Variants in NBEA observed in about 807,000 individuals in gnomAD.
The protein encoded by NBEA is neurobeachin.
NBEA carries 44 observed loss-of-function variants against 343.4 expected under a neutral mutation model. That is an observed-to-expected ratio of 0.13 (90% CI 0.10 to 0.16). The LOEUF (loss-of-function observed/expected upper bound fraction) is 0.16, where lower values mean the gene tolerates loss of function less well. NBEA is among the 10% of genes least tolerant of loss of function. The probability of loss-of-function intolerance (pLI) is 1.00; values close to 1 mark genes in which losing one functional copy is unlikely to be tolerated. For missense variants in NBEA, 2,555 were observed against 3,631.3 expected, an observed-to-expected ratio of 0.70 and a Z score of 7.62; for synonymous variants, 1,175 against 1,238.7, an observed-to-expected ratio of 0.95 and a Z score of 1.08.
intron 34 of NBEA, among the ~76,000 whole-genome samples, chr13:35,277,648 AG>A (rs2034703744): frequency 7.8e-6 from 1 of 128,760 alleles, no homozygotes; most frequent in Non-Finnish European, 1.7e-5. Flanking sequence ...AAAAAAAAAA[AG>A]TGGGGGAAAC....
At chr13:35,478,521 CCT>C (rs1252861861) in intron 41 of NBEA, among the ~76,000 whole-genome samples, 4 of 152,390 alleles carry the variant, frequency 2.6e-5, no homozygotes, top group African/African-American at 7.2e-5. Context: ...CCGCTCGCCG[CCT>C]CTCTCTCGCT....
At chr13:35,331,494 C>G (rs545181161) in intron 36 of NBEA, among the ~76,000 whole-genome samples, 1 of 152,102 alleles carries the variant, frequency 6.6e-6, no homozygotes, top group South Asian at 2.1e-4. Flanking sequence ...GTTCTGTAAT[C>G]TATATATAAT....
chr13:35,470,100 T>C (rs1316742068), intron 40 of NBEA, among the ~76,000 whole-genome samples: 1 of 152,210 alleles, frequency 6.6e-6, no homozygotes, highest in Non-Finnish European at 1.5e-5. Flanking sequence ...TAATTGGAGA[T>C]TTCCAAAGGA....
At chr13:35,248,692 G>T (rs911993974) in intron 34 of NBEA, among the ~76,000 whole-genome samples, 4 of 152,126 alleles carry the variant, frequency 2.6e-5, no homozygotes, top group Admixed American at 2.0e-4. Context: ...AATAATGAAA[G>T]GACAGTCTTG....
chr13:35,040,382 A>G (rs2062605295), intron 1 of NBEA, among the ~76,000 whole-genome samples: 1 of 152,120 alleles, frequency 6.6e-6, no homozygotes, highest in Non-Finnish European at 1.5e-5. Context: ...GCTTTAAAAA[A>G]AAAAGCATTA....
At chr13:35,521,423 T>C (rs998616647) in intron 41 of NBEA, among the ~76,000 whole-genome samples, 4 of 152,196 alleles carry the variant, frequency 2.6e-5, no homozygotes, top group Non-Finnish European at 5.9e-5. Flanking sequence ...ACTAGCTTAA[T>C]GTAAAAGATC....
At chr13:35,433,052 TG>T (rs1254545639) in intron 39 of NBEA, among the ~76,000 whole-genome samples, 13 of 152,252 alleles carry the variant, frequency 8.5e-5, no homozygotes, top group African/African-American at 3.1e-4. Flanking sequence ...TTGAAAAAGA[TG>T]GTCTCCTACT....
intron 34 of NBEA, among the ~76,000 whole-genome samples, chr13:35,242,242 A>G (rs2030427794): frequency 6.6e-6 from 1 of 151,942 alleles, no homozygotes; most frequent in African/African-American, 2.4e-5. Context: ...GCAAAAACTA[A>G]TTTGAAGCTG....
rs539304324 is a variant in NBEA, at chr13:35,290,879, G to C, written c.5838+429G>C. Among the ~76,000 whole-genome samples the C allele has an allele frequency of 9.9e-5, 15 of 151,486 alleles. 1 individual carries two copies. In the South Asian group the frequency reaches 3.1e-3, roughly 32 times the overall value. ...TGTATGATACAGCTTATTAATGAAT[G>C]GTCTTTGATATAAGACCTTGCTGCT... On this transcript the variant is annotated intron_variant, in intron 35 of 58. Coordinates refer to ENST00000379939, the MANE Select transcript of NBEA (RefSeq NM_001385012.1).
rs973746426 is a variant in NBEA at position 35,626,467 on chromosome 13, A to G, written c.7450-1614A>G. On this transcript the variant is annotated intron_variant, in intron 48 of 58. Coordinates refer to ENST00000379939, the MANE Select transcript of NBEA (RefSeq NM_001385012.1). ...ATCAAACCTTTCTTTAGTGGTATCT[A>G]TAAGATATATTTGTAATGAATGCGC... 3.3e-5 allele frequency among the ~76,000 whole-genome samples: 5 copies of G among 152,326 alleles called. No individual in the cohort carries two copies. In the East Asian group the frequency reaches 5.8e-4, roughly 18 times the overall value.
At chr13:35,088,026 A>C (rs1330747821) in intron 10 of NBEA, among the ~76,000 whole-genome samples, 1 of 151,954 alleles carries the variant, frequency 6.6e-6, no homozygotes, top group Non-Finnish European at 1.5e-5. Flanking sequence ...TCCAGGCATT[A>C]GAAAGGTGCA....
intron 48 of NBEA, among the ~76,000 whole-genome samples, chr13:35,607,758 T>TA (rs56180939): frequency 4.5e-4 from 67 of 149,326 alleles, no homozygotes; most frequent in East Asian, 1.4e-3. Context: ...TCATTTAAAG[T>TA]AAAAAAAAAA....
At chr13:35,170,710 C>T (rs902735268) in intron 25 of NBEA, among the ~76,000 whole-genome samples, 9 of 151,612 alleles carry the variant, frequency 5.9e-5, no homozygotes, top group African/African-American at 1.9e-4. Flanking sequence ...AGAGTTTTAT[C>T]GTACATGTAA....
chr13:35,420,258 T>G (rs867743688), intron 38 of NBEA, among the ~76,000 whole-genome samples: 13 of 152,048 alleles, frequency 8.5e-5, no homozygotes. Flanking sequence ...TAGCTAAAGT[T>G]TTTTGTAGAC....
intron 36 of NBEA, among the ~76,000 whole-genome samples, chr13:35,346,385 G>A (rs138867076): frequency 1.0e-3 from 157 of 152,194 alleles, no homozygotes; most frequent in Non-Finnish European, 4.1e-4. Context: ...TCTACAAAAT[G>A]TAGGCTGATA....
In NBEA at chr13:35,655,668, G is replaced by A. The variant is rs374570707; in HGVS notation, c.8281G>A (p.Val2761Met). 5.6e-6 allele frequency: 9 copies of A among 1,613,910 alleles called. No individual in the cohort carries two copies. In the Admixed American group the frequency reaches 6.7e-5, roughly 12 times the overall value. ...ATACATTGGTGGGGACTGCTACATC[G>A]TGTCCGGATCTCGAGATGCCACCCT... ...ESYIGGDCYI[V>M]SGSRDATLLL... is the part of the protein sequence containing the mutation. The change falls in exon 55 of 59, where the codon GTG becomes ATG. Residue 2761 changes from valine (V) to methionine (M), a missense_variant. Val to Met is a conservative substitution (Grantham distance 21). Transcript: ENST00000379939.
intron 1 of NBEA, among the ~76,000 whole-genome samples, chr13:34,972,097 T>C (rs1450985457): frequency 6.6e-6 from 1 of 151,910 alleles, no homozygotes; most frequent in East Asian, 1.9e-4. Context: ...AATTTATCCA[T>C]TTTTTTTCTA....
chr13:35,344,760 A>G (rs771743665), intron 36 of NBEA, among the ~76,000 whole-genome samples: 5 of 152,116 alleles, frequency 3.3e-5, no homozygotes, highest in Non-Finnish European at 1.5e-5. Context: ...TTAATCAGTA[A>G]AATTTCTTCC....
intron 34 of NBEA, among the ~76,000 whole-genome samples, chr13:35,260,459 A>G (rs2033105946): frequency 6.6e-6 from 1 of 152,256 alleles, no homozygotes; most frequent in South Asian, 2.1e-4. Flanking sequence ...GAGAACAGAA[A>G]TAATTGAGTT....
Sources: allele counts gnomAD v4.1 joint callset (sites outside exome capture counted in the v4.1 genomes callset), GRCh38; gene constraint gnomAD v4.1.1; transcripts MANE v1.5; gene names NCBI Gene and HGNC (gene_info 2026-07-23, HGNC 2026-07-21).